The following SPHKAP variants were observed in gnomAD, a reference collection of about 807,000 sequenced individuals.
The protein encoded by SPHKAP is SPHK1 interactor, AKAP domain containing, also known as A-kinase anchor protein SPHKAP.
SPHKAP carries 67 observed loss-of-function variants against 137.5 expected under a neutral mutation model. The observed-to-expected ratio is 0.49, with a 90% confidence interval of 0.40 to 0.60. The LOEUF (loss-of-function observed/expected upper bound fraction) is 0.60. Ranked by LOEUF, SPHKAP falls within the 20% of genes least tolerant of loss-of-function variation. The pLI is 0.00. For synonymous variants in SPHKAP, 813 were observed against 785.3 expected, an observed-to-expected ratio of 1.04 and a Z score of -0.59; for missense variants, 2,097 against 2,069.3, an observed-to-expected ratio of 1.01 and a Z score of -0.26.
chr2:227,989,897 A>G (rs1373445741), intron 11 of SPHKAP, among the ~76,000 whole-genome samples: 1 of 151,962 alleles, frequency 6.6e-6, no homozygotes, highest in East Asian at 1.9e-4. Flanking sequence ...GATTATAGGC[A>G]TGAGCCACTG....
intron 1 of SPHKAP, among the ~76,000 whole-genome samples, chr2:228,139,542 C>T (rs907006286): frequency 1.3e-5 from 2 of 152,082 alleles, no homozygotes; most frequent in South Asian, 4.1e-4. Context: ...CAAGTTATTT[C>T]CTATGGTTTG....
chr2:228,016,752 G>A lies in SPHKAP; in HGVS notation c.4102C>T (p.Leu1368Phe). ...SGPTLLVQES[L>F]DCPRKDSVTE... ...ACAGAGTCTTTCCTCGGGCAATCGA[G>A]AGACTCCTGAACAAGCAGAGTTGGC... The change falls in exon 7 of 12, where the codon CTC (leucine) becomes TTC (phenylalanine). Residue 1368 changes from leucine (L) to phenylalanine (F), a missense_variant. Transcript: ENST00000392056. 1 of 1,614,066 alleles carries A rather than the reference G, an allele frequency of 6.2e-7. No individual in the cohort carries two copies. Among genetic ancestry groups the A allele is most frequent in the Non-Finnish European group, 8.5e-7 (1 of 1,180,002 alleles).
intron 3 of SPHKAP, among the ~76,000 whole-genome samples, chr2:228,068,175 G>A (rs1696887767): frequency 6.6e-6 from 1 of 151,952 alleles, no homozygotes. Context: ...AACCAAAGAA[G>A]TGAAAGAGCT....
At chr2:228,077,537 A>G (rs1169640665) in intron 3 of SPHKAP, among the ~76,000 whole-genome samples, 1 of 152,204 alleles carries the variant, frequency 6.6e-6, no homozygotes, top group Non-Finnish European at 1.5e-5. Flanking sequence ...TGGATTTCAG[A>G]CTTGCATGGG....
chr2:228,122,339 C>G (rs1208382961), intron 2 of SPHKAP, among the ~76,000 whole-genome samples: 2 of 151,982 alleles, frequency 1.3e-5, no homozygotes, highest in Non-Finnish European at 2.9e-5. Context: ...CTTCCAGGGG[C>G]TCTTCACACA....
chr2:228,057,436 A>T (rs1421983549), intron 3 of SPHKAP, among the ~76,000 whole-genome samples: 1 of 152,178 alleles, frequency 6.6e-6, no homozygotes, highest in Non-Finnish European at 1.5e-5. Flanking sequence ...CACTTGGGAA[A>T]ATATCTGAAT....
intron 7 of SPHKAP, chr2:227,996,222 G>C: frequency 3.0e-6 from 2 of 667,978 alleles, no homozygotes; most frequent in Non-Finnish European, 3.7e-6. Flanking sequence ...GCATGCCTCT[G>C]TATTTTGCAC....
chr2:228,080,342 A>G (rs539401650), intron 3 of SPHKAP, among the ~76,000 whole-genome samples: 1 of 152,350 alleles, frequency 6.6e-6, no homozygotes, highest in South Asian at 2.1e-4. Context: ...TCAAAATAAG[A>G]CATACAAATG....
intron 7 of SPHKAP, among the ~76,000 whole-genome samples, chr2:227,996,676 C>A (rs1382852573): frequency 6.6e-6 from 1 of 152,138 alleles, no homozygotes; most frequent in Admixed American, 6.6e-5. Context: ...AAAACGAATT[C>A]TAATTGCCTT....
At chr2:228,064,709 C>T (rs1696771618) in intron 3 of SPHKAP, among the ~76,000 whole-genome samples, 1 of 152,098 alleles carries the variant, frequency 6.6e-6, no homozygotes. Context: ...TAATGCAGGA[C>T]TCTTTAAATG....
In SPHKAP at chr2:228,017,924, C is replaced by T. The variant is rs567871624; in HGVS notation, c.2930G>A (p.Arg977Gln). The change falls in exon 7 of 12, where the codon CGA becomes CAA. Residue 977 changes from arginine (R) to glutamine (Q), a missense_variant. Arg to Gln is a conservative substitution (Grantham distance 43, BLOSUM62 1). Coordinates refer to ENST00000392056, the MANE Select transcript of SPHKAP (RefSeq NM_001142644.2). ...GCTCTCTTTCTTCCTCTTCAAGGAT[C>T]GGCAGGGTACGTTGGGTGTCATCAG... ...EFLMTPNVPCRSLKRKKESQG... is the reference protein window; with the variant it reads ...EFLMTPNVPCQSLKRKKESQG... 53 of 1,614,124 alleles carry T rather than the reference C, an allele frequency of 3.3e-5. No individual in the cohort carries two copies. The highest frequency in any genetic ancestry group is 1.7e-4 in the Middle Eastern group (1 of 6,060).
At chr2:228,027,874 G>A (rs1695110180) in intron 3 of SPHKAP, 1 of 330,130 alleles carries the variant, frequency 3.0e-6, no homozygotes. Context: ...GCTGAGGCAG[G>A]AGAATTGCTT....
Position 228,063,803 on chromosome 2 carries a change from AC to A in SPHKAP, c.247-36261del, listed in dbSNP as rs1222209164. The stretch of plus-strand genomic sequence containing the variant: ...TTTGACCACTTTAATTGCCAGTATG[AC>A]TGGTCTAACCACTGAATTGTTACAG... On this transcript the variant is annotated intron_variant, in intron 3 of 11. Coordinates refer to ENST00000392056, the MANE Select transcript of SPHKAP (RefSeq NM_001142644.2). 4.6e-5 allele frequency among the ~76,000 whole-genome samples: 7 copies of A among 152,314 alleles called. No individual in the cohort carries two copies. In the East Asian group the frequency reaches 1.4e-3, roughly 29 times the overall value.
rs559630680 is a variant in SPHKAP at position 227,980,866 on chromosome 2, T to C, written c.*851A>G. On this transcript the variant is annotated 3_prime_UTR_variant, in exon 12 of 12. Coordinates refer to ENST00000392056, the MANE Select transcript of SPHKAP (RefSeq NM_001142644.2). Reference sequence around the variant, plus strand: ...ATTATTTAAGACAATAATCTCTTTATAATTTACAATAAAATAAAGTGAAAG... The same window carrying C: ...ATTATTTAAGACAATAATCTCTTTACAATTTACAATAAAATAAAGTGAAAG... 1 of 152,356 alleles carries C rather than the reference T, an allele frequency of 6.6e-6. No homozygotes were observed. Among genetic ancestry groups the C allele is most frequent in the East Asian group, 1.9e-4 (1 of 5,188 alleles). 9.4% of individuals were successfully genotyped at this position (152,356 alleles called of 1,614,324 possible).
chr2:228,129,140 G>A (rs970650319), intron 2 of SPHKAP, among the ~76,000 whole-genome samples: 3 of 152,098 alleles, frequency 2.0e-5, no homozygotes, highest in Admixed American at 6.6e-5. Flanking sequence ...TCACAGTAAC[G>A]TCGAAGATCA....
At chr2:228,132,409 A>T (rs892249913) in intron 1 of SPHKAP, 3 of 322,138 alleles carry the variant, frequency 9.3e-6, no homozygotes, top group East Asian at 1.7e-4. Context: ...ACCCAAATAA[A>T]TTTTTCTCAA....
At chr2:228,084,349 C>T (rs1465011173) in intron 3 of SPHKAP, among the ~76,000 whole-genome samples, 1 of 152,002 alleles carries the variant, frequency 6.6e-6, no homozygotes, top group Non-Finnish European at 1.5e-5. Flanking sequence ...TGACTACAAA[C>T]CGAAAGGTCA....
intron 1 of SPHKAP, among the ~76,000 whole-genome samples, chr2:228,161,586 T>A (rs1289673457): frequency 6.6e-6 from 1 of 152,120 alleles, no homozygotes; most frequent in African/African-American, 2.4e-5. Context: ...AAATACTTAA[T>A]GCATGCTGGG....
At chr2:228,054,014 T>C (rs1375598240) in intron 3 of SPHKAP, among the ~76,000 whole-genome samples, 2 of 152,254 alleles carry the variant, frequency 1.3e-5, no homozygotes, top group Non-Finnish European at 2.9e-5. Flanking sequence ...CAGAATGTAA[T>C]TCTGGTGCCA....
Sources: gnomAD v4.1 joint callset for allele counts (sites outside exome capture counted in the v4.1 genomes callset) on GRCh38, gnomAD v4.1.1 for gene constraint, MANE v1.5 for transcripts, NCBI Gene and HGNC (gene_info 2026-07-23, HGNC 2026-07-21) for gene names.